SHISA9: variants seen among roughly 807,000 people sequenced by gnomAD.
SHISA9 encodes shisa family member 9.
A neutral mutation model predicts 38.0 loss-of-function variants in SHISA9; 13 were observed. The ratio of observed to expected loss-of-function variants is 0.34; its 90% CI spans 0.22 to 0.54. The LOEUF (loss-of-function observed/expected upper bound fraction) is 0.54. Ranked by LOEUF, SHISA9 falls within the 20% of genes least tolerant of loss-of-function variation. SHISA9 has a pLI of 0.91. For synonymous variants in SHISA9, 275 were observed against 242.0 expected (o/e 1.14, Z -1.27); for missense variants, 538 against 575.8 (o/e 0.93, Z 0.67).
intron 2 of SHISA9, among the ~76,000 whole-genome samples, chr16:12,995,180 G>A (rs1333416662): frequency 6.6e-6 from 1 of 152,072 alleles, no homozygotes; most frequent in African/African-American, 2.4e-5. Flanking sequence ...ATCACATCAA[G>A]GTAAATGGGG....
At chr16:13,096,867 T>A (rs2073833317) in intron 2 of SHISA9, among the ~76,000 whole-genome samples, 1 of 152,148 alleles carries the variant, frequency 6.6e-6, no homozygotes, top group African/African-American at 2.4e-5. Flanking sequence ...CATGGATGGC[T>A]CCTCTTCTTG....
the SHISA9 span, among the ~76,000 whole-genome samples, chr16:13,432,792 T>A: frequency 6.6e-6 from 1 of 152,192 alleles, no homozygotes; most frequent in Non-Finnish European, 1.5e-5. Flanking sequence ...GAGGCCATTA[T>A]CCTTAGCAAA....
the SHISA9 span, among the ~76,000 whole-genome samples, chr16:13,375,569 C>G: frequency 2.1e-4 from 32 of 152,242 alleles, no homozygotes; most frequent in African/African-American, 7.7e-4. Flanking sequence ...GTTTTGGTTA[C>G]TGTAGCCTTG....
At chr16:13,555,707 T>C in the SHISA9 span, among the ~76,000 whole-genome samples, 18 of 152,218 alleles carry the variant, frequency 1.2e-4, no homozygotes, top group Admixed American at 2.6e-4. Context: ...CTGGCCCCAC[T>C]GAGCTTTAAG....
At chr16:13,514,092 T>C in the SHISA9 span, among the ~76,000 whole-genome samples, 1 of 152,174 alleles carries the variant, frequency 6.6e-6, no homozygotes, top group East Asian at 1.9e-4. Flanking sequence ...TCTCCTGGGT[T>C]CAAGTGATTC....
intron 2 of SHISA9, among the ~76,000 whole-genome samples, chr16:13,009,369 G>A (rs1045682056): frequency 7.2e-5 from 11 of 152,084 alleles, no homozygotes; most frequent in African/African-American, 2.4e-4. Context: ...TGGGTCAGCC[G>A]GAGCAAAGGC....
At chr16:13,177,914 T>A (rs572455376) in intron 2 of SHISA9, among the ~76,000 whole-genome samples, 5 of 152,308 alleles carry the variant, frequency 3.3e-5, no homozygotes. Flanking sequence ...GTGATCCACC[T>A]GCCTTGGCCT....
At chr16:12,968,524 A>G (rs1320874200) in intron 2 of SHISA9, among the ~76,000 whole-genome samples, 1 of 152,244 alleles carries the variant, frequency 6.6e-6, no homozygotes, top group African/African-American at 2.4e-5. Context: ...ATATCCATCA[A>G]TGGCTGAATG....
the SHISA9 span, among the ~76,000 whole-genome samples, chr16:13,364,886 C>T: frequency 6.6e-6 from 1 of 151,964 alleles, no homozygotes; most frequent in Non-Finnish European, 1.5e-5. Context: ...GCAGTAAGAA[C>T]GAGAAGATGA....
At chr16:12,926,724 C>A (rs759364482) in intron 2 of SHISA9, among the ~76,000 whole-genome samples, 2 of 152,156 alleles carry the variant, frequency 1.3e-5, no homozygotes, top group Non-Finnish European at 2.9e-5. Context: ...ACTAGGATGG[C>A]CTTTCCTGAG....
the SHISA9 span, among the ~76,000 whole-genome samples, chr16:13,265,978 A>C: frequency 6.6e-6 from 1 of 152,210 alleles, no homozygotes. Flanking sequence ...TGTTATTAAG[A>C]TATAAGATTA....
intron 4 of SHISA9, among the ~76,000 whole-genome samples, chr16:13,216,890 G>T (rs887201083): frequency 3.3e-5 from 5 of 152,280 alleles, no homozygotes; most frequent in South Asian, 4.1e-4. Flanking sequence ...TTGCCCCCTA[G>T]TGGTCACTGC....
At chr16:12,997,570 C>T (rs2072473816) in intron 2 of SHISA9, among the ~76,000 whole-genome samples, 1 of 151,922 alleles carries the variant, frequency 6.6e-6, no homozygotes, top group Non-Finnish European at 1.5e-5. Context: ...TCAAACCTGG[C>T]TAATTTTTGT....
intron 2 of SHISA9, among the ~76,000 whole-genome samples, chr16:13,200,409 A>AACACACACACACACAC (rs148088145): frequency 0.017 from 2,378 of 136,476 alleles, 84 homozygotes; most frequent in African/African-American, 0.054. Flanking sequence ...TATATCATGA[A>AACACACACACACACAC]ACACACACAC....
At chr16:13,190,132 A>G (rs796137514) in intron 2 of SHISA9, among the ~76,000 whole-genome samples, 8 of 150,676 alleles carry the variant, frequency 5.3e-5, no homozygotes, top group African/African-American at 2.0e-4. Context: ...CACGTTGTGC[A>G]GGTTAGTTAC....
chr16:13,373,756 G>C, the SHISA9 span, among the ~76,000 whole-genome samples: 11,055 of 86,534 alleles, frequency 0.13, 612 homozygotes, highest in South Asian at 0.34. Context: ...GCGAGACTCC[G>C]TCTCAAAAAA....
chr16:12,996,837 G>T (rs764498133), intron 2 of SHISA9, among the ~76,000 whole-genome samples: 1 of 152,044 alleles, frequency 6.6e-6, no homozygotes, highest in South Asian at 2.1e-4. Context: ...AAAAAGTTTC[G>T]TGGCTAAGAA....
chr16:13,508,590 C>T, the SHISA9 span, among the ~76,000 whole-genome samples: 1 of 152,228 alleles, frequency 6.6e-6, no homozygotes, highest in African/African-American at 2.4e-5. Context: ...TACTTAAACA[C>T]ATGTCAGAGA....
At chr16:13,484,638 GA>G in the SHISA9 span, among the ~76,000 whole-genome samples, 53 of 152,330 alleles carry the variant, frequency 3.5e-4, no homozygotes, top group African/African-American at 1.3e-3. Flanking sequence ...AATTTATAAA[GA>G]AAAGAGATTT....
Sources: allele counts gnomAD v4.1 joint callset (sites outside exome capture counted in the v4.1 genomes callset), GRCh38; gene constraint gnomAD v4.1.1; transcripts MANE v1.5; gene names NCBI Gene and HGNC (gene_info 2026-07-23, HGNC 2026-07-21).